Variants in ATXN7L3 observed in about 807,000 individuals in gnomAD.
The protein encoded by ATXN7L3 is ataxin-7-like protein 3.
ATXN7L3 carries 6 observed loss-of-function variants against 50.0 expected under a neutral mutation model. That is an observed-to-expected ratio of 0.12 (90% CI 0.07 to 0.24). The LOEUF (loss-of-function observed/expected upper bound fraction) is 0.24. ATXN7L3 is among the 10% of genes least tolerant of loss of function. The pLI is 1.00. For synonymous variants in ATXN7L3, 198 were observed against 165.8 expected (o/e 1.19, Z -1.49); for missense variants, 322 against 451.3 (o/e 0.71, Z 2.60).
rs2144500282 is a variant in ATXN7L3 at position 44,199,523 on chromosome 17, G to C, written c.-88C>G. 6.9e-6 allele frequency: 1 copy of C among 143,960 alleles called. No homozygotes were observed. Among genetic ancestry groups the C allele is most frequent in the Admixed American group, 6.9e-5 (1 of 14,564 alleles). 8.9% of individuals were successfully genotyped at this position (143,960 alleles called of 1,614,324 possible). On this transcript the variant is annotated 5_prime_UTR_variant, in exon 1 of 13. Transcript: ENST00000587097. The stretch of plus-strand genomic sequence containing the variant: ...CGCCCGGGGGGCCGCGCCGGGGCCC[G>C]GCAGCCTCTCAGGGCCGCGTCCTCC...
rs909738255 is a variant in ATXN7L3 at position 44,193,655 on chromosome 17, C to T, written c.*608G>A. The T allele has an allele frequency of 6.6e-6, 1 of 152,508 alleles. No individual in the cohort carries two copies. The highest frequency in any genetic ancestry group is 2.4e-5 in the African/African-American group (1 of 41,456). The allele number at this position is 152,508 out of a possible 1,614,324, so 9.4% of individuals were successfully genotyped here. On this transcript the variant is annotated 3_prime_UTR_variant, in exon 13 of 13. Transcript: ENST00000587097. The stretch of plus-strand genomic sequence containing the variant: ...GGGGACTGAGGGGAAAGGGCTGCCC[C>T]TGTGAGGGGCAGGGAAGGTGGCGGC...
Position 44,198,139 on chromosome 17 carries a change from A to C in ATXN7L3, c.-60-9T>G. ...AGCGGGCGGCAACACGGCTGCACAC[A>C]CGGGGGTGGGGGTGTTGTTGTGAGT... On this transcript the variant is annotated splice_polypyrimidine_tract_variant and intron_variant, in intron 1 of 12. Coordinates refer to ENST00000587097, the MANE Select transcript of ATXN7L3 (RefSeq NM_001382309.1). 1 of 1,498,790 alleles carries C rather than the reference A, an allele frequency of 6.7e-7. No individual in the cohort carries two copies. The highest frequency in any genetic ancestry group is 9.2e-7 in the Non-Finnish European group (1 of 1,081,156). The allele number at this position is 1,498,790 out of a possible 1,614,324, so 92.8% of individuals were successfully genotyped here.
Position 44,196,848 on chromosome 17 carries a change from C to T in ATXN7L3, c.454+81G>A, listed in dbSNP as rs114886811. ...ACTCTCTCTTCATCATTCAAGGCAA[C>T]AATTTGTGACCACTGTATACCCAAT... On this transcript the variant is annotated intron_variant, in intron 5 of 12. Transcript: ENST00000587097. 1,655 of 863,008 alleles carry T rather than the reference C, an allele frequency of 1.9e-3. 24 individuals carry two copies. The African/African-American group carries it at 0.025, about 13-fold the overall frequency. The allele number at this position is 863,008 out of a possible 1,614,324, so 53.5% of individuals were successfully genotyped here. A position where few individuals can be genotyped will look rare whatever the true frequency, so the allele number is the denominator to read the frequency against.
In ATXN7L3 at chr17:44,194,592, A is replaced by C; in HGVS notation, c.820T>G (p.Trp274Gly). 1 of 1,613,922 alleles carries C rather than the reference A, an allele frequency of 6.2e-7. No homozygotes were observed. Among genetic ancestry groups the C allele is most frequent in the Non-Finnish European group, 8.5e-7 (1 of 1,179,998 alleles). ...GGTGAGAGGTCAGAGGAGCCGTCCC[A>C]CTGAAGCCGGCTGATCAGGGCCTGG... The part of the protein sequence containing the change: ...DSQALISRLQ[W>G]DGSSDLSPSD... Residue 274 changes from tryptophan (W) to glycine (G), a missense_variant, in exon 12 of 13, where the codon TGG becomes GGG. Transcript: ENST00000587097.
rs999401016 is a variant in ATXN7L3 at position 44,194,012 on chromosome 17, C to G, written c.*251G>C. On this transcript the variant is annotated 3_prime_UTR_variant, in exon 13 of 13. Transcript: ENST00000587097. Reference sequence around the variant, plus strand: ...TAACTCACAGAATAAATAGGAAAACCGCCTCCCCACCAAACTTATGTCCAA... The same window carrying G: ...TAACTCACAGAATAAATAGGAAAACGGCCTCCCCACCAAACTTATGTCCAA... The G allele has an allele frequency of 2.0e-6, 1 of 495,122 alleles. No individual in the cohort carries two copies. Among genetic ancestry groups the G allele is most frequent in the African/African-American group, 1.9e-5 (1 of 51,424 alleles). The allele number at this position is 495,122 out of a possible 1,614,324, so 30.7% of individuals were successfully genotyped here.
At position 44,198,055 on chromosome 17, in the gene ATXN7L3, T is replaced by C. The variant is rs750046423; in HGVS notation, c.16A>G (p.Met6Val). The C allele has an allele frequency of 6.2e-7, 1 of 1,614,100 alleles. No homozygotes were observed. The highest frequency in any genetic ancestry group is 1.1e-5 in the South Asian group (1 of 91,078). The change falls in exon 2 of 13, where the codon ATG (methionine) becomes GTG (valine). Residue 6 changes from methionine (M) to valine (V), a missense_variant. By Grantham distance (21) the Met-to-Val change is conservative (BLOSUM62 1). Coordinates refer to ENST00000587097, the MANE Select transcript of ATXN7L3 (RefSeq NM_001382309.1). ...CTGTTATCCAGGCCAGACAAAGACA[T>C]TTCCTCCATTTTCATTTGTAAACTC... The part of the protein sequence containing the change: MKMEE[M>V]SLSGLDNSKL...
chr17:44,193,509 A>G lies in ATXN7L3; in HGVS notation c.*754T>C, dbSNP rs1315516284. On this transcript the variant is annotated 3_prime_UTR_variant, in exon 13 of 13. Transcript: ENST00000587097. ...TGGGTCAGGGAGGAGAGGCAGGGGG[A>G]GGAATTCTGACACTTCTCCCTCTTC... is the stretch of plus-strand genomic sequence containing the variant. The G allele has an allele frequency of 6.6e-6, 1 of 152,650 alleles. No individual in the cohort carries two copies. Among genetic ancestry groups the G allele is most frequent in the Non-Finnish European group, 1.5e-5 (1 of 68,082 alleles). The allele number at this position is 152,650 out of a possible 1,614,324, so 9.5% of individuals were successfully genotyped here. A position where few individuals can be genotyped will look rare whatever the true frequency, so the allele number is the denominator to read the frequency against.
At position 44,194,651 on chromosome 17, in the gene ATXN7L3, G is replaced by C; in HGVS notation, c.761C>G (p.Ser254Cys). The C allele has an allele frequency of 6.2e-7, 1 of 1,614,118 alleles. No individual in the cohort carries two copies. The highest frequency in any genetic ancestry group is 1.1e-5 in the South Asian group (1 of 91,080). The stretch of plus-strand genomic sequence containing the variant: ...CATGTCAAAGCTGTCATTATCCAGG[G>C]AGCTCTCGACCTCTGGAAGGACACT... ...PSAVLPEVES[S>C]LDNDSFDMTD... Residue 254 changes from serine to cysteine, a missense_variant, in exon 12 of 13, where the codon TCC becomes TGC. Ser to Cys is a moderately radical substitution (Grantham distance 112). Coordinates refer to ENST00000587097, the MANE Select transcript of ATXN7L3 (RefSeq NM_001382309.1).
In ATXN7L3 at chr17:44,194,791, C is replaced by T; in HGVS notation, c.714G>A (p.Arg238=). ...QHTDEQRRTV[R]IYFLGPSAVL... is the part of the protein sequence containing the mutation. ...ACGCCGAGGGCCCGAGAAAATAAAT[C>T]CGTACGGTTCGCCTCTGCTCATCTG... is the stretch of plus-strand genomic sequence containing the variant. The change falls in exon 11 of 13, where the codon CGG becomes CGA. Residue 238 remains arginine (R), a synonymous_variant. Coordinates refer to ENST00000587097, the MANE Select transcript of ATXN7L3 (RefSeq NM_001382309.1). 1 of 1,614,186 alleles carries T rather than the reference C, an allele frequency of 6.2e-7. No individual in the cohort carries two copies. The highest frequency in any genetic ancestry group is 8.5e-7 in the Non-Finnish European group (1 of 1,180,020).
intron 1 of ATXN7L3, chr17:44,198,875 G>C (rs947308783): frequency 1.3e-5 from 2 of 152,620 alleles, no homozygotes; most frequent in African/African-American, 4.8e-5. Flanking sequence ...CAAAGTCCAG[G>C]AACCCCCACC....
intron 1 of ATXN7L3, 65 bp downstream of exon 1, chr17:44,199,431 G>GCCCCGCC (rs926083992): frequency 1.5e-5 from 2 of 132,550 alleles, no homozygotes; most frequent in East Asian, 2.4e-4. Context: ...CCCGCCTTGG[G>GCCCCGCC]CCCCGCCCCC....
chr17:44,195,543 G>A, intron 8 of ATXN7L3, 56 bp from the exon 9 acceptor site: 5 of 1,539,092 alleles, frequency 3.2e-6, no homozygotes, highest in Non-Finnish European at 4.5e-6. Context: ...GAGAAGGACA[G>A]GGGTGGAAGT....
chr17:44,194,095 G>A lies in ATXN7L3; in HGVS notation c.*168C>T. On this transcript the variant is annotated 3_prime_UTR_variant, in exon 13 of 13. Transcript: ENST00000587097. ...CCGAGGAGTCGTGCTCCATTGCAGA[G>A]GACTTTGACACCCCCCAGGGGCGCA... is the stretch of plus-strand genomic sequence containing the variant. 2 of 824,938 alleles carry A rather than the reference G, an allele frequency of 2.4e-6. No homozygotes were observed. The highest frequency in any genetic ancestry group is 3.8e-6 in the Non-Finnish European group (2 of 525,042). The allele number at this position is 824,938 out of a possible 1,614,324, so 51.1% of individuals were successfully genotyped here.
intron 1 of ATXN7L3, chr17:44,198,993 G>A (rs939693458): frequency 6.6e-6 from 1 of 152,588 alleles, no homozygotes; most frequent in Non-Finnish European, 1.5e-5. Flanking sequence ...ATGAGCCGGG[G>A]GCACTGGGAA....
Position 44,194,339 on chromosome 17 carries a change from C to G in ATXN7L3, c.968G>C (p.Gly323Ala), listed in dbSNP as rs1361430455. ...CTTCTTCTTCTTGTTGGAACCTAGG[C>G]CGGAGGCAGTCCCTACCAGGCTCAG... is the stretch of plus-strand genomic sequence containing the variant. The part of the protein sequence containing the change: ...SHLSLVGTAS[G>A]LGSNKKKKPK... Residue 323 changes from glycine to alanine, a missense_variant, in exon 13 of 13, where the codon GGC becomes GCC. Physicochemically the swap from Gly to Ala is moderately conservative, Grantham distance 60. Around this residue, in one of 5 missense-constraint regions of ATXN7L3, gnomAD observed 122 missense variants for 130.8 expected, o/e 0.93. Coordinates refer to ENST00000587097, the MANE Select transcript of ATXN7L3 (RefSeq NM_001382309.1). The G allele has an allele frequency of 6.2e-7, 1 of 1,614,072 alleles. No individual in the cohort carries two copies. The highest frequency in any genetic ancestry group is 1.3e-5 in the African/African-American group (1 of 74,922).
chr17:44,195,983 A>T, intron 7 of ATXN7L3, 51 bp downstream of exon 7: 1 of 1,564,754 alleles, frequency 6.4e-7, no homozygotes, highest in South Asian at 1.1e-5. Context: ...CCCGGCAATG[A>T]GTCCCAGAAG....
rs559486995 is a variant in ATXN7L3 at position 44,196,726 on chromosome 17, CGAGA to C, written c.454+199_454+202del. Among the ~76,000 whole-genome samples, 11 of 130,354 alleles carry C rather than the reference CGAGA, an allele frequency of 8.4e-5. No homozygotes were observed. In the South Asian group the frequency reaches 2.6e-3, roughly 31 times the overall value. 85.5% of individuals were successfully genotyped at this position (130,354 alleles called of 152,430 possible). ...CCGGGAGACGGAGGTTGCAGTGAGCCGAGATCTCACCACTGCACCCCAGCCTGGG... is the reference window on the plus strand; with the variant it reads ...CCGGGAGACGGAGGTTGCAGTGAGCCTCTCACCACTGCACCCCAGCCTGGG... On this transcript the variant is annotated intron_variant, in intron 5 of 12. Coordinates refer to ENST00000587097, the MANE Select transcript of ATXN7L3 (RefSeq NM_001382309.1).
At position 44,196,078 on chromosome 17, in the gene ATXN7L3, T is replaced by C; in HGVS notation, c.479A>G (p.Asn160Ser). ...KKAKKRKSDK[N>S]PNSPRRSKSL... ...CTTGGATCTTCGAGGGGAATTGGGG[T>C]TCTGGAATGGGAGATACCATAGCTT... The change falls in exon 7 of 13, where the codon AAC becomes AGC. Residue 160 changes from asparagine to serine, a missense_variant and splice_region_variant. Asn to Ser is a conservative substitution (Grantham distance 46, BLOSUM62 1). Transcript: ENST00000587097. 1.2e-6 allele frequency: 2 copies of C among 1,612,828 alleles called. No individual in the cohort carries two copies. The highest frequency in any genetic ancestry group is 1.7e-6 in the Non-Finnish European group (2 of 1,179,250).
intron 1 of ATXN7L3, among the ~76,000 whole-genome samples, chr17:44,198,712 A>G (rs1288849350): frequency 6.7e-6 from 1 of 149,972 alleles, no homozygotes; most frequent in East Asian, 2.0e-4. Context: ...GCTAAGGGAC[A>G]TTTCTAGCCA....
Sources: allele counts gnomAD v4.1 joint callset (sites outside exome capture counted in the v4.1 genomes callset), GRCh38; gene constraint gnomAD v4.1.1; regional missense constraint gnomAD v4.1.1; transcripts MANE v1.5; gene names NCBI Gene and HGNC (gene_info 2026-07-23, HGNC 2026-07-21).